The following GBF1 variants were observed in gnomAD, a reference collection of about 807,000 sequenced individuals.
GBF1 encodes golgi brefeldin A resistant guanine nucleotide exchange factor 1.
GBF1 carries 114 observed loss-of-function variants against 210.5 expected under a neutral mutation model. The observed-to-expected ratio is 0.54, with a 90% CI of 0.47 to 0.63. GBF1 has a LOEUF of 0.63. Among genes scored for constraint, GBF1 ranks in the 30% least tolerant of loss-of-function variants. The probability of loss-of-function intolerance (pLI) is 0.00; values close to 1 mark genes in which losing one functional copy is unlikely to be tolerated. For missense variants in GBF1, 1,851 were observed against 2,357.7 expected (o/e 0.79, Z 4.45); for synonymous variants, 850 against 889.2 (o/e 0.96, Z 0.78).
chr10:102,247,859 A>G (rs1263912336), intron 1 of GBF1, among the ~76,000 whole-genome samples: 1 of 152,178 alleles, frequency 6.6e-6, no homozygotes, highest in Non-Finnish European at 1.5e-5. Flanking sequence ...CTATAGACAT[A>G]TCTCCTCAGT....
At chr10:102,230,654 G>T in the GBF1 span, 11 of 1,599,484 alleles carry the variant, frequency 6.9e-6, no homozygotes, top group East Asian at 2.5e-4. Context: ...CACGGGTCCC[G>T]ATAGACGTAG....
intron 3 of GBF1, among the ~76,000 whole-genome samples, chr10:102,293,764 G>GTTTTTTATTTTTTTT (rs1263151407): frequency 3.9e-5 from 2 of 50,888 alleles, no homozygotes; most frequent in African/African-American, 5.7e-5. Flanking sequence ...GCTGTAGTAT[G>GTTTTTTATTTTTTTT]TTTTGTGTTT....
At position 102,379,893 on chromosome 10, in the gene GBF1, G is replaced by A; in HGVS notation, c.4817G>A (p.Ser1606Asn). Reference protein sequence around the residue: ...PLLTKLLENISPADVGGMEET... With the variant: ...PLLTKLLENINPADVGGMEET... Reference sequence around the variant, plus strand: ...CTTACCAAGCTCTTGGAGAACATCAGCCCTGCAGATGTGGGTGGGATGGAG... The same window carrying A: ...CTTACCAAGCTCTTGGAGAACATCAACCCTGCAGATGTGGGTGGGATGGAG... The change falls in exon 36 of 40, where the codon AGC (serine) becomes AAC (asparagine). Residue 1606 changes from serine (S) to asparagine (N), a missense_variant. Coordinates refer to ENST00000369983, the MANE Select transcript of GBF1 (RefSeq NM_001377137.1). 4 of 1,613,900 alleles carry A rather than the reference G, an allele frequency of 2.5e-6. No individual in the cohort carries two copies. The South Asian group carries it at 4.4e-5, about 18-fold the overall frequency.
At chr10:102,369,151 A>C in intron 23 of GBF1, 60 bp from the exon 24 acceptor site, 27 of 1,244,448 alleles carry the variant, frequency 2.2e-5, no homozygotes, top group African/African-American at 2.9e-5. Flanking sequence ...CAGAGACCTA[A>C]GAGATTTTCC....
chr10:102,275,675 C>T (rs1057506486), intron 3 of GBF1, among the ~76,000 whole-genome samples: 6 of 152,068 alleles, frequency 3.9e-5, no homozygotes, highest in Admixed American at 2.6e-4. Flanking sequence ...CTCTTTTTTT[C>T]TGGGATGAAT....
chr10:102,356,683 C>T (rs778553092), intron 8 of GBF1, among the ~76,000 whole-genome samples: 2 of 149,448 alleles, frequency 1.3e-5, no homozygotes, highest in African/African-American at 2.5e-5. Flanking sequence ...AGGAGAATGG[C>T]GTGAACCCAG....
chr10:102,261,277 TACACACAC>T (rs141245760), intron 3 of GBF1, among the ~76,000 whole-genome samples: 18 of 150,716 alleles, frequency 1.2e-4, no homozygotes, highest in Non-Finnish European at 2.2e-4. Context: ...TGTATATATA[TACACACAC>T]ACACACACAT....
At chr10:102,293,969 G>C (rs1379835376) in intron 3 of GBF1, among the ~76,000 whole-genome samples, 1 of 151,272 alleles carries the variant, frequency 6.6e-6, no homozygotes, top group African/African-American at 2.4e-5. Context: ...TAATAGAGAC[G>C]GGGTTTCACC....
intron 3 of GBF1, among the ~76,000 whole-genome samples, chr10:102,275,506 G>A (rs2074875250): frequency 6.6e-6 from 1 of 152,114 alleles, no homozygotes; most frequent in Non-Finnish European, 1.5e-5. Context: ...GAGGTGGTGA[G>A]GCAGTGAAAC....
intron 38 of GBF1, 27 bp downstream of exon 38, chr10:102,380,713 A>G: frequency 6.4e-7 from 1 of 1,562,158 alleles, no homozygotes; most frequent in Non-Finnish European, 8.7e-7. Context: ...AGCTTTATCA[A>G]AAAGAGTCTC....
chr10:102,303,174 G>A (rs973241790), intron 3 of GBF1, among the ~76,000 whole-genome samples: 1 of 152,040 alleles, frequency 6.6e-6, no homozygotes, highest in African/African-American at 2.4e-5. Context: ...TTTAGGTAGA[G>A]ATGGGGTTTC....
intron 3 of GBF1, among the ~76,000 whole-genome samples, chr10:102,275,070 G>C (rs949557699): frequency 6.7e-6 from 1 of 149,796 alleles, no homozygotes; most frequent in African/African-American, 2.5e-5. Flanking sequence ...GGAGTGCAGT[G>C]GTGCAATCTC....
chr10:102,309,195 C>T (rs1006275040), intron 3 of GBF1, among the ~76,000 whole-genome samples: 1 of 152,192 alleles, frequency 6.6e-6, no homozygotes, highest in African/African-American at 2.4e-5. Flanking sequence ...CAGCTAGGCC[C>T]AGTCACTAGG....
At position 102,367,463 on chromosome 10, in the gene GBF1, C is replaced by A; in HGVS notation, c.2560-15C>A. The A allele has an allele frequency of 6.4e-7, 1 of 1,563,446 alleles. No homozygotes were observed. Among genetic ancestry groups the A allele is most frequent in the Non-Finnish European group, 8.8e-7 (1 of 1,133,724 alleles). On this transcript the variant is annotated splice_polypyrimidine_tract_variant and intron_variant, in intron 20 of 39. Coordinates refer to ENST00000369983, the MANE Select transcript of GBF1 (RefSeq NM_001377137.1). ...TGTTGACACAAGGGGAAAAAACTTA[C>A]TGGCCTGTCTCTAGGAGTTTCGCAA...
chr10:102,301,598 G>A (rs2077361743), intron 3 of GBF1, among the ~76,000 whole-genome samples: 1 of 150,946 alleles, frequency 6.6e-6, no homozygotes, highest in Non-Finnish European at 1.5e-5. Context: ...CGGGGCGGCC[G>A]GGCAGAGACG....
At chr10:102,378,817 C>G (rs1292567569) in intron 33 of GBF1, among the ~76,000 whole-genome samples, 2 of 151,962 alleles carry the variant, frequency 1.3e-5, no homozygotes, top group Non-Finnish European at 2.9e-5. Flanking sequence ...AGCTGTAGTT[C>G]CATCTACTCA....
At chr10:102,308,898 A>C (rs76653235) in intron 3 of GBF1, among the ~76,000 whole-genome samples, 93 of 152,024 alleles carry the variant, frequency 6.1e-4, no homozygotes, top group Non-Finnish European at 1.1e-3. Flanking sequence ...AAAAAAAAAA[A>C]GAAGCCAAAC....
the GBF1 span, among the ~76,000 whole-genome samples, chr10:102,238,503 G>A: frequency 1.3e-5 from 2 of 152,204 alleles, no homozygotes; most frequent in African/African-American, 2.4e-5. Context: ...TGAAGTCCAC[G>A]ATAGGGTGGC....
At chr10:102,297,687 T>C (rs1317951829) in intron 3 of GBF1, among the ~76,000 whole-genome samples, 1 of 152,226 alleles carries the variant, frequency 6.6e-6, no homozygotes, top group Non-Finnish European at 1.5e-5. Flanking sequence ...AATGATCTTA[T>C]TGAATTCCTT....
Sources: allele counts gnomAD v4.1 joint callset (sites outside exome capture counted in the v4.1 genomes callset), GRCh38; gene constraint gnomAD v4.1.1; transcripts MANE v1.5; gene names NCBI Gene and HGNC (gene_info 2026-07-23, HGNC 2026-07-21).